SP7: variants seen among roughly 807,000 people sequenced by gnomAD.
SP7 encodes the protein Sp7 transcription factor.
Under a neutral mutation model 27.9 loss-of-function variants are expected in SP7, and 13 were observed. That is an observed-to-expected ratio of 0.47 (90% CI 0.30 to 0.74). The LOEUF (loss-of-function observed/expected upper bound fraction) is 0.74, where lower values mean the gene tolerates loss of function less well. SP7 is among the 30% of genes least tolerant of loss of function. The pLI, the probability that SP7 is intolerant of heterozygous loss-of-function variation, is 0.06. For synonymous variants in SP7, 219 were observed against 226.7 expected (o/e 0.97, Z 0.31); for missense variants, 525 against 558.0 (o/e 0.94, Z 0.60).
rs570034410 is a variant in SP7 at position 53,344,601 on chromosome 12, G to C, written c.-34+513C>G. On this transcript the variant is annotated intron_variant, in intron 1 of 1. Coordinates refer to the SP7 transcript ENST00000547755. The surrounding 1 kb of genome is among the most constrained non-coding windows in gnomAD (Gnocchi z 4.6). The stretch of plus-strand genomic sequence containing the variant: ...CCCCCATCCACCCCCACCTCGCGTG[G>C]ACGTGTGAGGCAAGAAGGACGGTTG... 1.6e-4 allele frequency among the ~76,000 whole-genome samples: 25 copies of C among 152,298 alleles called. No homozygotes were observed. The highest frequency in any genetic ancestry group is 5.8e-4 in the African/African-American group (24 of 41,566).
chr12:53,332,638 G>C (rs930346166), intron 2 of SP7, among the ~76,000 whole-genome samples: 34 of 151,962 alleles, frequency 2.2e-4, no homozygotes, highest in African/African-American at 8.0e-4. Context: ...AGACCAGAAA[G>C]GTAAAAAGAC....
At chr12:53,334,797 A>T (rs948950994) in intron 2 of SP7, among the ~76,000 whole-genome samples, 1 of 151,898 alleles carries the variant, frequency 6.6e-6, no homozygotes, top group Non-Finnish European at 1.5e-5. Context: ...ATTTCTCAAG[A>T]CCCCAAACCC....
intron 1 of SP7, 109 bp downstream of exon 1, chr12:53,336,037 C>A: frequency 4.1e-6 from 1 of 245,176 alleles, no homozygotes; most frequent in Admixed American, 4.9e-5. Flanking sequence ...CCTCGGGGGG[C>A]TGCTGAGGGG....
chr12:53,328,693 C>T lies in SP7; in HGVS notation c.749G>A (p.Arg250Gln), dbSNP rs532554295. 13 of 1,606,340 alleles carry T rather than the reference C, an allele frequency of 8.1e-6. No homozygotes were observed. The East Asian group carries it at 1.1e-4, about 14-fold the overall frequency. Residue 250 changes from arginine (R) to glutamine (Q), a missense_variant, in exon 3 of 3, where the codon CGG becomes CAG. By Grantham distance (43) the Arg-to-Gln change is conservative. Transcript: ENST00000536324. The surrounding 1 kb of genome is among the most constrained non-coding windows in gnomAD (Gnocchi z 5.1). ...ACCACTACCCCCAGTGCTTGCACCC[C>T]GTGGGGGTTTGGCTCCACCACTCCC... ...LEGSGGAKPP[R>Q]GASTGGSGGY...
rs921907777 is a variant in SP7 at position 53,329,431 on chromosome 12, A to G, written c.22-11T>C. 1 of 1,612,908 alleles carries G rather than the reference A, an allele frequency of 6.2e-7. No individual in the cohort carries two copies. The highest frequency in any genetic ancestry group is 1.3e-5 in the African/African-American group (1 of 74,874). On this transcript the variant is annotated splice_polypyrimidine_tract_variant and intron_variant, in intron 2 of 2. Coordinates refer to ENST00000536324, the MANE Select transcript of SP7 (RefSeq NM_001173467.3). ...ATAGTGAACTTCCTCCTGTGGAAAG[A>G]GGGACGCACTGCTTAGGGAGAGGGG... is the stretch of plus-strand genomic sequence containing the variant.
intron 2 of SP7, among the ~76,000 whole-genome samples, chr12:53,332,990 G>A (rs1944723821): frequency 6.6e-6 from 1 of 152,136 alleles, no homozygotes; most frequent in African/African-American, 2.4e-5. Context: ...ACCCCACCCA[G>A]CTGTGGGGAG....
Position 53,328,113 on chromosome 12 carries a change from G to A in SP7, c.*33C>T. ...CTAGAGAGCCAAGAGAGACTGTCAG[G>A]GCAGCCCTGGGGTGGGAGACCTTCC... On this transcript the variant is annotated 3_prime_UTR_variant, in exon 3 of 3. Coordinates refer to ENST00000536324, the MANE Select transcript of SP7 (RefSeq NM_001173467.3). The surrounding 1 kb of genome is among the most constrained non-coding windows in gnomAD (Gnocchi z 5.1). 3 of 1,551,120 alleles carry A rather than the reference G, an allele frequency of 1.9e-6. No individual in the cohort carries two copies. The highest frequency in any genetic ancestry group is 2.6e-6 in the Non-Finnish European group (3 of 1,149,918).
upstream of SP7, among the ~76,000 whole-genome samples, chr12:53,339,755 AC>A (rs199807282): frequency 1.8e-3 from 277 of 150,134 alleles, 7 homozygotes; most frequent in East Asian, 0.041. Context: ...GAAAAAAAAA[AC>A]TGGGGAGAGT....
intron 1 of SP7, 152 bp from the exon 2 acceptor site, chr12:53,335,845 C>T (rs759502389): frequency 5.5e-5 from 77 of 1,406,854 alleles, no homozygotes; most frequent in Middle Eastern, 2.6e-4. Flanking sequence ...GCTTTCCCAG[C>T]GGAGAAGGCT....
intron 2 of SP7, among the ~76,000 whole-genome samples, chr12:53,333,247 G>A (rs1030583417): frequency 6.6e-6 from 1 of 152,194 alleles, no homozygotes. Flanking sequence ...TTCTAAACAT[G>A]TGTCCCCATA....
At chr12:53,339,226 G>C (rs1180628440), upstream of SP7, among the ~76,000 whole-genome samples, 3 of 152,196 alleles carry the variant, frequency 2.0e-5, no homozygotes, top group Non-Finnish European at 4.4e-5. Context: ...GGATGCCCCA[G>C]ACGGAAGGGG....
intron 2 of SP7, among the ~76,000 whole-genome samples, chr12:53,331,878 C>T (rs1007268290): frequency 7.9e-5 from 12 of 152,178 alleles, no homozygotes; most frequent in African/African-American, 2.9e-4. Context: ...CGATGCCAAT[C>T]CGAGAGGTGG....
chr12:53,331,180 G>T (rs777008303), intron 2 of SP7, among the ~76,000 whole-genome samples: 1 of 151,996 alleles, frequency 6.6e-6, no homozygotes, highest in South Asian at 2.1e-4. Context: ...GAAATGCAAG[G>T]GTATCTTCTA....
rs1944847586 is a variant in SP7 at position 53,344,584 on chromosome 12, CA to C, written c.-34+529del. Among the ~76,000 whole-genome samples, 1 of 152,198 alleles carries C rather than the reference CA, an allele frequency of 6.6e-6. No homozygotes were observed. Among genetic ancestry groups the C allele is most frequent in the South Asian group, 2.1e-4 (1 of 4,836 alleles). ...CAAAGCGCTGTTCAATGCCCCCATC[CA>C]CCCCCACCTCGCGTGGACGTGTGAG... On this transcript the variant is annotated intron_variant, in intron 1 of 1. Coordinates refer to the SP7 transcript ENST00000547755. The surrounding 1 kb of genome is among the most constrained non-coding windows in gnomAD (Gnocchi z 4.6).
upstream of SP7, among the ~76,000 whole-genome samples, chr12:53,336,671 C>T (rs4759113): frequency 0.49 from 74,809 of 151,660 alleles, 19,667 homozygotes; most frequent in East Asian, 0.79. Flanking sequence ...CATGGAGAGG[C>T]TTGCTTCCCC....
upstream of SP7, among the ~76,000 whole-genome samples, chr12:53,341,139 T>G (rs2136853759): frequency 6.6e-6 from 1 of 152,284 alleles, no homozygotes; most frequent in East Asian, 1.9e-4. Flanking sequence ...TACACAAATT[T>G]ACAGGTACAG....
At chr12:53,339,878 C>T (rs569318523), upstream of SP7, among the ~76,000 whole-genome samples, 1 of 152,078 alleles carries the variant, frequency 6.6e-6, no homozygotes, top group Non-Finnish European at 1.5e-5. Context: ...CAAAGGGACT[C>T]CCAACTCTTC....
upstream of SP7, among the ~76,000 whole-genome samples, chr12:53,340,330 G>A (rs10876433): frequency 0.19 from 29,284 of 151,896 alleles, 3,799 homozygotes; most frequent in Non-Finnish European, 0.29. Flanking sequence ...CTCCTAAAGG[G>A]CATTTGGGAA....
intron 1 of SP7, among the ~76,000 whole-genome samples, chr12:53,342,248 C>T (rs950081705): frequency 1.3e-5 from 2 of 151,480 alleles, no homozygotes; most frequent in African/African-American, 4.9e-5. Context: ...GGAAGACAAG[C>T]GAGACTCCAT....
Sources: gnomAD v4.1 joint callset for allele counts (sites outside exome capture counted in the v4.1 genomes callset) on GRCh38, gnomAD v4.1.1 for gene constraint, Gnocchi (gnomAD v3.1) non-coding constraint, MANE v1.5 for transcripts, NCBI Gene and HGNC (gene_info 2026-07-23, HGNC 2026-07-21) for gene names.